The following TTBK2 variants were observed in gnomAD, a reference collection of about 807,000 sequenced individuals.
TTBK2 encodes tau-tubulin kinase 2.
Under a neutral mutation model 110.8 loss-of-function variants are expected in TTBK2, and 28 were observed. That is an observed-to-expected ratio of 0.25 (90% CI 0.19 to 0.35). The LOEUF is 0.35. Ranked by LOEUF, TTBK2 falls within the 10% of genes least tolerant of loss-of-function variation. The pLI, the probability that TTBK2 is intolerant of heterozygous loss-of-function variation, is 1.00. For missense variants in TTBK2, 1,369 were observed against 1,500.3 expected (o/e 0.91, Z 1.45); for synonymous variants, 532 against 527.3 (o/e 1.01, Z -0.12).
intron 4 of TTBK2, among the ~76,000 whole-genome samples, chr15:42,839,032 G>A (rs774033704): frequency 7.2e-5 from 11 of 152,084 alleles, no homozygotes; most frequent in Non-Finnish European, 1.5e-4. Flanking sequence ...GTGTGGAAAC[G>A]ATTTTGTCAC....
intron 9 of TTBK2, among the ~76,000 whole-genome samples, chr15:42,808,695 T>C (rs1226315151): frequency 2.1e-5 from 3 of 140,778 alleles, no homozygotes; most frequent in Non-Finnish European, 4.7e-5. Flanking sequence ...TTAAAAAAAA[T>C]AAAAAAAAAA....
chr15:42,829,082 T>C (rs1440555899), intron 5 of TTBK2, among the ~76,000 whole-genome samples: 2 of 152,216 alleles, frequency 1.3e-5, no homozygotes, highest in African/African-American at 2.4e-5. Flanking sequence ...TTAAATTTAG[T>C]TAGCATTTTC....
intron 13 of TTBK2, among the ~76,000 whole-genome samples, chr15:42,760,604 T>C (rs913130930): frequency 7.2e-5 from 11 of 152,086 alleles, no homozygotes; most frequent in African/African-American, 2.4e-4. Flanking sequence ...ATAAAATAAC[T>C]AGGAATAAAT....
At chr15:42,801,095 G>C (rs768134284) in intron 9 of TTBK2, 3 of 814,816 alleles carry the variant, frequency 3.7e-6, no homozygotes. Context: ...CAAAGCTGGA[G>C]CCCAGGCCGT....
chr15:42,910,418 T>G (rs536014955), intron 1 of TTBK2, among the ~76,000 whole-genome samples: 10 of 152,218 alleles, frequency 6.6e-5, no homozygotes, highest in Non-Finnish European at 7.3e-5. Context: ...ACTCATTCAC[T>G]TCTACTCATC....
At chr15:42,873,459 A>G (rs1450122165) in intron 2 of TTBK2, among the ~76,000 whole-genome samples, 1 of 151,978 alleles carries the variant, frequency 6.6e-6, no homozygotes, top group Non-Finnish European at 1.5e-5. Flanking sequence ...AAAAAACACT[A>G]CAAAATCACC....
At chr15:42,747,717 C>T (rs1237366730) in intron 14 of TTBK2, among the ~76,000 whole-genome samples, 1 of 152,082 alleles carries the variant, frequency 6.6e-6, no homozygotes, top group South Asian at 2.1e-4. Flanking sequence ...ATTTTAGTGG[C>T]AATGCCAAAT....
intron 9 of TTBK2, 81 bp from the exon 10 acceptor site, chr15:42,794,882 C>G: frequency 6.4e-7 from 1 of 1,565,026 alleles, no homozygotes; most frequent in Non-Finnish European, 8.8e-7. Context: ...ACACCAGACT[C>G]ATAAAATGAT....
chr15:42,856,978 T>C (rs1005744817), intron 3 of TTBK2, among the ~76,000 whole-genome samples: 1 of 152,030 alleles, frequency 6.6e-6, no homozygotes, highest in Non-Finnish European at 1.5e-5. Flanking sequence ...GGAGAATCTC[T>C]TGAACCTTGG....
At position 42,872,771 on chromosome 15, in the gene TTBK2, T is replaced by C. The variant is rs1306046107; in HGVS notation, c.70-13A>G. The C allele has an allele frequency of 6.2e-7, 1 of 1,613,500 alleles. No individual in the cohort carries two copies. The highest frequency in any genetic ancestry group is 1.3e-5 in the African/African-American group (1 of 74,808). On this transcript the variant is annotated splice_polypyrimidine_tract_variant and intron_variant, in intron 2 of 14. Transcript: ENST00000267890. ...CAATCTTTCTCAACTGCACAGAAAA[T>C]AAGAACACACACACTCTAAATTACT...
At chr15:42,872,871 A>AAATATTTAAC in intron 2 of TTBK2, 113 bp from the exon 3 acceptor site, 4 of 1,262,386 alleles carry the variant, frequency 3.2e-6, no homozygotes, top group African/African-American at 1.5e-5. Context: ...TTTTTTGATA[A>AAATATTTAAC]AATATTTAAA....
At chr15:42,854,647 G>GAAA (rs11347978) in intron 3 of TTBK2, among the ~76,000 whole-genome samples, 1 of 121,798 alleles carries the variant, frequency 8.2e-6, no homozygotes, top group Non-Finnish European at 1.8e-5. Context: ...ATATGCAAGA[G>GAAA]AAAAAAAAAA....
At chr15:42,802,785 G>A (rs536409774) in intron 9 of TTBK2, among the ~76,000 whole-genome samples, 1 of 152,306 alleles carries the variant, frequency 6.6e-6, no homozygotes, top group Non-Finnish European at 1.5e-5. Context: ...TTGATCCTGG[G>A]TGTGTCTGTG....
At chr15:42,837,173 A>C in intron 4 of TTBK2, among the ~76,000 whole-genome samples, 1 of 152,032 alleles carries the variant, frequency 6.6e-6, no homozygotes, top group African/African-American at 2.4e-5. Context: ...CAGCCTGGCC[A>C]ACATGGTGAA....
In TTBK2 at chr15:42,805,813, A is replaced by T. The variant is rs142864087; in HGVS notation, c.822+4801T>A. 3.7e-3 allele frequency among the ~76,000 whole-genome samples: 562 copies of T among 152,148 alleles called. 2 individuals carry two copies. Among genetic ancestry groups the T allele is most frequent in the African/African-American group, 0.013 (537 of 41,502 alleles). ...ACCCCTAAGCCATCATCCACACTAT[A>T]CCCTTTCCTGATAATAGTAAAAGGC... On this transcript the variant is annotated intron_variant, in intron 9 of 14. Coordinates refer to ENST00000267890, the MANE Select transcript of TTBK2 (RefSeq NM_173500.4).
intron 3 of TTBK2, among the ~76,000 whole-genome samples, chr15:42,847,631 T>C (rs1276746683): frequency 6.6e-6 from 1 of 152,212 alleles, no homozygotes; most frequent in African/African-American, 2.4e-5. Flanking sequence ...GGTTCATTAC[T>C]TTTGTAAAAG....
At chr15:42,897,903 T>G (rs536469273) in intron 1 of TTBK2, among the ~76,000 whole-genome samples, 3 of 150,874 alleles carry the variant, frequency 2.0e-5, no homozygotes, top group African/African-American at 7.3e-5. Flanking sequence ...AAAAAAGAGA[T>G]AACCATCCAG....
At chr15:42,857,895 C>A (rs1894008066) in intron 3 of TTBK2, among the ~76,000 whole-genome samples, 1 of 151,874 alleles carries the variant, frequency 6.6e-6, no homozygotes, top group Admixed American at 6.6e-5. Flanking sequence ...CCAGCCTGGC[C>A]AACATGGTGA....
intron 1 of TTBK2, among the ~76,000 whole-genome samples, chr15:42,911,366 C>G (rs749411695): frequency 1.2e-4 from 19 of 152,150 alleles, no homozygotes; most frequent in Non-Finnish European, 2.1e-4. Context: ...ACTAGAGAGG[C>G]TGAGGCAGGA....
Sources: gnomAD v4.1 joint callset for allele counts (sites outside exome capture counted in the v4.1 genomes callset) on GRCh38, gnomAD v4.1.1 for gene constraint, MANE v1.5 for transcripts, NCBI Gene and HGNC (gene_info 2026-07-23, HGNC 2026-07-21) for gene names.